NBEA: variants seen among roughly 807,000 people sequenced by gnomAD.
NBEA encodes lysosomal-trafficking regulator 2.
A neutral mutation model predicts 343.4 loss-of-function variants in NBEA; 44 were observed. The observed-to-expected ratio is 0.13, with a 90% CI of 0.10 to 0.16. NBEA has a LOEUF of 0.16. Among genes scored for constraint, NBEA ranks in the 10% least tolerant of loss-of-function variants. NBEA has a pLI of 1.00. For synonymous variants in NBEA, 1,175 were observed against 1,238.7 expected, an observed-to-expected ratio of 0.95 and a Z score of 1.08; for missense variants, 2,555 against 3,631.3, an observed-to-expected ratio of 0.70 and a Z score of 7.62.
chr13:35,220,367 C>T (rs750918098), intron 33 of NBEA, among the ~76,000 whole-genome samples: 2 of 152,090 alleles, frequency 1.3e-5, no homozygotes, highest in Admixed American at 6.6e-5. Flanking sequence ...TCTGAAAGAA[C>T]GCTTCTTAGT....
At position 35,654,872 on chromosome 13, in the gene NBEA, A is replaced by T; in HGVS notation, c.8053A>T (p.Asn2685Tyr). 1 of 1,574,762 alleles carries T rather than the reference A, an allele frequency of 6.4e-7. No individual in the cohort carries two copies. The highest frequency in any genetic ancestry group is 1.2e-5 in the South Asian group (1 of 82,320). Reference sequence around the variant, plus strand: ...ACTTTTAGCCAATAATTCAGGTGTAAACAAACGGCAGATCACAGACCTCGT... The same window carrying T: ...ACTTTTAGCCAATAATTCAGGTGTATACAAACGGCAGATCACAGACCTCGT... Reference protein sequence around the residue: ...DPLIANNSGVNKRQITDLVDQ... With the variant: ...DPLIANNSGVYKRQITDLVDQ... Residue 2685 changes from asparagine (N) to tyrosine (Y), a missense_variant, in exon 54 of 59, where the codon AAC (asparagine) becomes TAC (tyrosine). Asn to Tyr is a moderately radical substitution (Grantham distance 143). Coordinates refer to ENST00000379939, the MANE Select transcript of NBEA (RefSeq NM_001385012.1).
At chr13:35,243,777 G>A (rs2153074) in intron 34 of NBEA, among the ~76,000 whole-genome samples, 1 of 151,738 alleles carries the variant, frequency 6.6e-6, no homozygotes, top group Non-Finnish European at 1.5e-5. Context: ...GACTTGAAGG[G>A]CAAAAAAGTT....
intron 38 of NBEA, among the ~76,000 whole-genome samples, chr13:35,410,967 A>G (rs1241274731): frequency 6.6e-6 from 1 of 152,112 alleles, no homozygotes; most frequent in African/African-American, 2.4e-5. Flanking sequence ...ATAAGCAGAT[A>G]TTATCGTTCT....
chr13:34,969,102 G>C (rs997341903), intron 1 of NBEA, among the ~76,000 whole-genome samples: 3 of 151,760 alleles, frequency 2.0e-5, no homozygotes, highest in Non-Finnish European at 4.4e-5. Context: ...ACCTTCTGTC[G>C]TTTATGTTTT....
chr13:35,459,842 T>C (rs1006139555), intron 40 of NBEA, among the ~76,000 whole-genome samples: 2 of 152,214 alleles, frequency 1.3e-5, no homozygotes, highest in African/African-American at 4.8e-5. Flanking sequence ...GAATATGTTC[T>C]TTAAAAAAGA....
chr13:35,055,103 A>T (rs538377846), intron 6 of NBEA, among the ~76,000 whole-genome samples: 2 of 152,328 alleles, frequency 1.3e-5, no homozygotes, highest in East Asian at 3.9e-4. Context: ...AATAATCTGT[A>T]GAACAAAGTT....
chr13:35,262,667 G>C (rs2033312506), intron 34 of NBEA, among the ~76,000 whole-genome samples: 1 of 152,186 alleles, frequency 6.6e-6, no homozygotes, highest in South Asian at 2.1e-4. Flanking sequence ...GTGGCCAGGA[G>C]TTATGGGTGA....
intron 17 of NBEA, among the ~76,000 whole-genome samples, chr13:35,126,701 C>T (rs1175587219): frequency 5.3e-5 from 8 of 152,040 alleles, no homozygotes; most frequent in Middle Eastern, 3.4e-3. Flanking sequence ...GGCAGATCAA[C>T]GAGGTCAGCA....
chr13:35,642,638 G>A lies in NBEA; in HGVS notation c.7618-3231G>A, dbSNP rs997922656. ...ATGAGTGACACAAGCCAGTGGCAGTGCCCAGGTCATGTGAGTGGTGGGCGT... is the reference window on the plus strand; with the variant it reads ...ATGAGTGACACAAGCCAGTGGCAGTACCCAGGTCATGTGAGTGGTGGGCGT... On this transcript the variant is annotated intron_variant, in intron 49 of 58. Coordinates refer to ENST00000379939, the MANE Select transcript of NBEA (RefSeq NM_001385012.1). Among the ~76,000 whole-genome samples the A allele has an allele frequency of 8.5e-5, 13 of 152,332 alleles. No homozygotes were observed. In the East Asian group the frequency reaches 2.5e-3, roughly 29 times the overall value.
chr13:35,216,406 T>C (rs1278748229), intron 33 of NBEA, among the ~76,000 whole-genome samples: 1 of 151,980 alleles, frequency 6.6e-6, no homozygotes, highest in Non-Finnish European at 1.5e-5. Context: ...GTTAAATAGT[T>C]GGAACAGAGA....
intron 40 of NBEA, among the ~76,000 whole-genome samples, chr13:35,464,494 T>C (rs1594725574): frequency 1.3e-5 from 2 of 152,326 alleles, no homozygotes; most frequent in South Asian, 2.1e-4. Flanking sequence ...CCACCAAAAA[T>C]AGGCCGGAAA....
chr13:35,615,613 G>A (rs1336614698), intron 48 of NBEA, among the ~76,000 whole-genome samples: 1 of 152,132 alleles, frequency 6.6e-6, no homozygotes, highest in Admixed American at 6.5e-5. Flanking sequence ...CAAAAGTGCT[G>A]GGATTACAGG....
chr13:35,616,623 A>G (rs956174383), intron 48 of NBEA, among the ~76,000 whole-genome samples: 1 of 152,242 alleles, frequency 6.6e-6, no homozygotes, highest in Non-Finnish European at 1.5e-5. Flanking sequence ...AAATTGTATA[A>G]TACTATAAAG....
chr13:35,054,492 C>A (rs937350166), intron 6 of NBEA, among the ~76,000 whole-genome samples: 3 of 151,880 alleles, frequency 2.0e-5, no homozygotes, highest in Non-Finnish European at 2.9e-5. Flanking sequence ...TTAATGATTA[C>A]CTGGAATGAA....
intron 39 of NBEA, among the ~76,000 whole-genome samples, chr13:35,434,521 A>G (rs2045313134): frequency 2.0e-5 from 3 of 152,206 alleles, no homozygotes; most frequent in Admixed American, 6.5e-5. Flanking sequence ...GGGAATCGAC[A>G]TGGTACTATT....
intron 39 of NBEA, among the ~76,000 whole-genome samples, chr13:35,442,234 T>G (rs2045779359): frequency 6.6e-6 from 1 of 152,206 alleles, no homozygotes; most frequent in African/African-American, 2.4e-5. Context: ...TGCAATGTAC[T>G]CATATAGTCA....
chr13:35,037,425 A>G (rs184652760), intron 1 of NBEA, among the ~76,000 whole-genome samples: 43 of 152,036 alleles, frequency 2.8e-4, no homozygotes, highest in African/African-American at 9.4e-4. Flanking sequence ...TCATTTGGTG[A>G]GGTCATGTTT....
At chr13:35,536,104 G>A (rs2078528046) in intron 41 of NBEA, among the ~76,000 whole-genome samples, 1 of 152,120 alleles carries the variant, frequency 6.6e-6, no homozygotes, top group Non-Finnish European at 1.5e-5. Flanking sequence ...ATACCCAGGG[G>A]CACTTGGGTT....
intron 48 of NBEA, among the ~76,000 whole-genome samples, chr13:35,613,707 A>C (rs1192820682): frequency 6.6e-6 from 1 of 151,966 alleles, no homozygotes; most frequent in Non-Finnish European, 1.5e-5. Flanking sequence ...TGCAGCCTTG[A>C]ACTCCCGGGC....
Sources: allele counts gnomAD v4.1 joint callset (sites outside exome capture counted in the v4.1 genomes callset), GRCh38; gene constraint gnomAD v4.1.1; transcripts MANE v1.5; gene names NCBI Gene and HGNC (gene_info 2026-07-23, HGNC 2026-07-21).